FBXL17: variants seen among roughly 807,000 people sequenced by gnomAD.
FBXL17 encodes the protein F-box and leucine rich repeat protein 17, also known as F-box/LRR-repeat protein 17.
FBXL17 carries 22 observed loss-of-function variants against 66.2 expected under a neutral mutation model. The observed-to-expected ratio is 0.33, with a 90% CI of 0.24 to 0.47. The LOEUF is 0.47. FBXL17 is among the 20% of genes least tolerant of loss of function. The pLI, the probability that FBXL17 is intolerant of heterozygous loss-of-function variation, is 1.00. For synonymous variants in FBXL17, 474 were observed against 400.5 expected (o/e 1.18, Z -2.19); for missense variants, 878 against 948.2 (o/e 0.93, Z 0.97).
chr5:108,065,683 G>A (rs1166680547), intron 6 of FBXL17, among the ~76,000 whole-genome samples: 1 of 152,054 alleles, frequency 6.6e-6, no homozygotes, highest in Non-Finnish European at 1.5e-5. Context: ...TGATAGATGA[G>A]AAAACAAGAA....
At chr5:108,371,470 C>T (rs2112608897) in intron 1 of FBXL17, among the ~76,000 whole-genome samples, 1 of 152,240 alleles carries the variant, frequency 6.6e-6, no homozygotes, top group Non-Finnish European at 1.5e-5. Flanking sequence ...GCCAATAAAA[C>T]ACGATTTACA....
At chr5:108,365,905 A>G (rs1748629364) in intron 2 of FBXL17, among the ~76,000 whole-genome samples, 1 of 152,102 alleles carries the variant, frequency 6.6e-6, no homozygotes, top group Admixed American at 6.6e-5. Flanking sequence ...CTAAAAATCT[A>G]TCCTTAGTGG....
chr5:108,042,042 T>C (rs1747067139), intron 6 of FBXL17, among the ~76,000 whole-genome samples: 2 of 152,052 alleles, frequency 1.3e-5, no homozygotes, highest in Admixed American at 1.3e-4. Context: ...ATTACAGGCA[T>C]GTGCCACCGT....
At position 108,336,140 on chromosome 5, in the gene FBXL17, G is replaced by A. The variant is rs151160164; in HGVS notation, c.1506+12259C>T. 6.7e-4 allele frequency among the ~76,000 whole-genome samples: 102 copies of A among 152,020 alleles called. 3 individuals are homozygous for A. The highest frequency in any genetic ancestry group is 2.4e-3 in the African/African-American group (100 of 41,502). On this transcript the variant is annotated intron_variant, in intron 4 of 8. Coordinates refer to ENST00000542267, the MANE Select transcript of FBXL17 (RefSeq NM_001163315.3). ...GAACATATTAAAGAAAAAAATATAC[G>A]GGAAGAATTTATGAAACTAGAAACT... is the stretch of plus-strand genomic sequence containing the variant.
intron 5 of FBXL17, among the ~76,000 whole-genome samples, chr5:108,187,471 G>A (rs1034500896): frequency 9.2e-5 from 14 of 152,172 alleles, no homozygotes; most frequent in African/African-American, 3.1e-4. Context: ...TGTAATCACT[G>A]GAGACCCTTA....
chr5:108,062,759 T>C (rs936629776), intron 6 of FBXL17, among the ~76,000 whole-genome samples: 1 of 152,166 alleles, frequency 6.6e-6, no homozygotes, highest in African/African-American at 2.4e-5. Flanking sequence ...TTTCGACATA[T>C]AATCCATAAA....
chr5:108,128,019 G>A (rs1165700081), intron 6 of FBXL17, among the ~76,000 whole-genome samples: 5 of 152,066 alleles, frequency 3.3e-5, no homozygotes, highest in Non-Finnish European at 1.5e-5. Flanking sequence ...GCTGTGGCGG[G>A]TGGATAACTT....
At chr5:108,187,072 A>C (rs1465816733) in intron 5 of FBXL17, among the ~76,000 whole-genome samples, 3 of 152,168 alleles carry the variant, frequency 2.0e-5, no homozygotes, top group African/African-American at 4.8e-5. Context: ...TTTCATCATA[A>C]AATGATATAA....
intron 8 of FBXL17, among the ~76,000 whole-genome samples, chr5:107,865,554 G>A (rs1748248285): frequency 6.6e-6 from 1 of 152,156 alleles, no homozygotes; most frequent in Non-Finnish European, 1.5e-5. Flanking sequence ...GGCTTTCATA[G>A]GTTTGGGGTA....
intron 1 of FBXL17, among the ~76,000 whole-genome samples, chr5:108,375,113 G>A (rs1370661214): frequency 1.3e-5 from 2 of 152,072 alleles, no homozygotes; most frequent in African/African-American, 4.8e-5. Context: ...CAGCACTTTG[G>A]GAAGCCAAAG....
At chr5:108,112,533 G>C (rs969795149) in intron 6 of FBXL17, among the ~76,000 whole-genome samples, 4 of 152,028 alleles carry the variant, frequency 2.6e-5, no homozygotes, top group African/African-American at 4.8e-5. Context: ...ACCAAACATC[G>C]TCATATTCAC....
At chr5:108,092,074 A>G (rs1749206870) in intron 6 of FBXL17, among the ~76,000 whole-genome samples, 1 of 152,160 alleles carries the variant, frequency 6.6e-6, no homozygotes, top group South Asian at 2.1e-4. Context: ...GCTGAGGAAA[A>G]TATTACTTTA....
At chr5:108,189,676 T>G (rs190668231) in intron 5 of FBXL17, among the ~76,000 whole-genome samples, 68 of 152,334 alleles carry the variant, frequency 4.5e-4, no homozygotes, top group Non-Finnish European at 9.0e-4. Flanking sequence ...GGTTCCTGAT[T>G]AGTTGACACT....
chr5:107,876,468 T>C (rs983745446), intron 8 of FBXL17, among the ~76,000 whole-genome samples: 3 of 152,228 alleles, frequency 2.0e-5, no homozygotes, highest in Admixed American at 2.0e-4. Context: ...TATGATGTTA[T>C]TCACTGCTCA....
At chr5:108,372,230 A>G (rs570937494) in intron 1 of FBXL17, among the ~76,000 whole-genome samples, 1 of 152,308 alleles carries the variant, frequency 6.6e-6, no homozygotes, top group African/African-American at 2.4e-5. Context: ...CAGCAAACCT[A>G]AAGATAGGTA....
Position 108,247,129 on chromosome 5 carries a change from C to T in FBXL17, c.1507-22901G>A, listed in dbSNP as rs528854608. Reference sequence around the variant, plus strand: ...ATGGTAGTGATGGTGGGATAATGTGCACAAGTATCCACAATAACATGAGAT... The same window carrying T: ...ATGGTAGTGATGGTGGGATAATGTGTACAAGTATCCACAATAACATGAGAT... On this transcript the variant is annotated intron_variant, in intron 4 of 8. Transcript: ENST00000542267. Among the ~76,000 whole-genome samples the T allele has an allele frequency of 2.2e-4, 34 of 152,268 alleles. No homozygotes were observed. The South Asian group carries it at 6.0e-3, about 27-fold the overall frequency.
chr5:108,149,901 T>G (rs1043214305), intron 6 of FBXL17, among the ~76,000 whole-genome samples: 2 of 152,178 alleles, frequency 1.3e-5, no homozygotes, highest in African/African-American at 4.8e-5. Context: ...CTTGAGAGAC[T>G]TCTGTTTCTA....
In FBXL17 at chr5:108,381,629, G is replaced by T; in HGVS notation, c.63C>A (p.Cys21Ter). The T allele has an allele frequency of 6.7e-7, 1 of 1,494,706 alleles. No homozygotes were observed. The allele number at this position is 1,494,706 out of a possible 1,614,324, so 92.6% of individuals were successfully genotyped here. A position where few individuals can be genotyped will look rare whatever the true frequency, so the allele number is the denominator to read the frequency against. ...GAGGGCGCCGGCGGCGGCACCAACT[G>T]CAACAGCGAGGCCTCTTCTGGCTCG... ...NRPSQKRPRC[C>*]SWCRRRRPLL... The change falls in exon 1 of 9, where the codon TGC (cysteine) becomes TGA (stop). Residue 21 changes from cysteine to a stop codon, truncating the protein, a stop_gained. Transcript: ENST00000542267. LOFTEE classifies it high-confidence loss of function.
At chr5:108,298,439 A>T in intron 4 of FBXL17, 1 of 973,014 alleles carries the variant, frequency 1.0e-6, no homozygotes, top group Non-Finnish European at 1.2e-6. Flanking sequence ...CTAAAATCTA[A>T]ACAAAACTTC....
Sources: allele counts gnomAD v4.1 joint callset (sites outside exome capture counted in the v4.1 genomes callset), GRCh38; gene constraint gnomAD v4.1.1; transcripts MANE v1.5; gene names NCBI Gene and HGNC (gene_info 2026-07-23, HGNC 2026-07-21).